HAUS6: variants seen among roughly 807,000 people sequenced by gnomAD.
The protein encoded by HAUS6 is HAUS augmin like complex subunit 6.
HAUS6 carries 80 observed loss-of-function variants against 106.8 expected under a neutral mutation model. The observed-to-expected ratio is 0.75, with a 90% CI of 0.63 to 0.90. The LOEUF is 0.90. Among genes scored for constraint, HAUS6 ranks in the 40% least tolerant of loss-of-function variants. The pLI is 0.00. For missense variants in HAUS6, 1,155 were observed against 1,118.1 expected (o/e 1.03, Z -0.47); for synonymous variants, 356 against 379.1 (o/e 0.94, Z 0.71).
chr9:19,072,696 G>C (rs1198939176), intron 11 of HAUS6, among the ~76,000 whole-genome samples: 1 of 152,024 alleles, frequency 6.6e-6, no homozygotes, highest in Non-Finnish European at 1.5e-5. Context: ...TTCAAAGAAA[G>C]AACGAGAATT....
chr9:19,071,799 G>C (rs1219097419), intron 11 of HAUS6, among the ~76,000 whole-genome samples: 1 of 151,842 alleles, frequency 6.6e-6, no homozygotes, highest in African/African-American at 2.4e-5. Flanking sequence ...TGGTCTCCTA[G>C]GCTCAAGCAA....
At chr9:19,100,165 G>A (rs771565620) in intron 1 of HAUS6, among the ~76,000 whole-genome samples, 6 of 152,168 alleles carry the variant, frequency 3.9e-5, no homozygotes, top group East Asian at 1.9e-4. Context: ...CTGCACTCCC[G>A]CCTGGGCGAC....
intron 1 of HAUS6, 60 bp downstream of exon 1, chr9:19,102,464 G>C: frequency 1.9e-6 from 3 of 1,561,888 alleles, no homozygotes; most frequent in Non-Finnish European, 2.6e-6. Flanking sequence ...TACAAAAGGG[G>C]GAGTCCCCCG....
At chr9:19,086,863 A>C in intron 6 of HAUS6, 81 bp from the exon 7 acceptor site, 1 of 687,192 alleles carries the variant, frequency 1.5e-6, no homozygotes, top group Non-Finnish European at 2.6e-6. Context: ...TTAGTCTGCA[A>C]ATCAACCCAC....
chr9:19,053,650 ATGTC>A lies in HAUS6; in HGVS notation c.*2689_*2692del, dbSNP rs780866860. The A allele has an allele frequency of 6.6e-6, 1 of 152,316 alleles. No homozygotes were observed. The highest frequency in any genetic ancestry group is 1.5e-5 in the Non-Finnish European group (1 of 68,006). The allele number at this position is 152,316 out of a possible 1,614,324, so 9.4% of individuals were successfully genotyped here. ...ATTATCTCAGGTTTCAAGCTGATGT[ATGTC>A]AGTTTATATACCTTTGTATCTTACA... On this transcript the variant is annotated 3_prime_UTR_variant, in exon 17 of 17. Coordinates refer to ENST00000380502, the MANE Select transcript of HAUS6 (RefSeq NM_017645.5).
Position 19,102,725 on chromosome 9 carries a change from T to C in HAUS6, c.-74A>G. The C allele has an allele frequency of 6.8e-7, 1 of 1,460,766 alleles. No homozygotes were observed. Among genetic ancestry groups the C allele is most frequent in the Non-Finnish European group, 9.3e-7 (1 of 1,077,440 alleles). 90.5% of individuals were successfully genotyped at this position (1,460,766 alleles called of 1,614,324 possible). The stretch of plus-strand genomic sequence containing the variant: ...GGACTCGGAGGGCCCTCAAGATCCC[T>C]CCCTACGGTCAGCCTGAGGTCGCGG... On this transcript the variant is annotated 5_prime_UTR_variant, in exon 1 of 17. Coordinates refer to ENST00000380502, the MANE Select transcript of HAUS6 (RefSeq NM_017645.5).
intron 1 of HAUS6, among the ~76,000 whole-genome samples, chr9:19,098,436 C>CAAA (rs11351792): frequency 3.2e-5 from 4 of 123,394 alleles, no homozygotes; most frequent in Admixed American, 2.6e-4. Flanking sequence ...GACTTCGTCT[C>CAAA]AAAAAAAAAA....
intron 4 of HAUS6, among the ~76,000 whole-genome samples, chr9:19,091,809 C>A (rs974401677): frequency 6.6e-6 from 1 of 151,958 alleles, no homozygotes; most frequent in Non-Finnish European, 1.5e-5. Context: ...TTACAGGTGC[C>A]CACCACCATG....
intron 12 of HAUS6, among the ~76,000 whole-genome samples, chr9:19,069,692 T>C (rs1456471310): frequency 1.3e-5 from 2 of 151,312 alleles, no homozygotes; most frequent in South Asian, 2.1e-4. Context: ...AGAGCAAGAC[T>C]CCATTTCAAA....
At position 19,058,243 on chromosome 9, in the gene HAUS6, T is replaced by C; in HGVS notation, c.2524A>G (p.Lys842Glu). 1 of 1,613,932 alleles carries C rather than the reference T, an allele frequency of 6.2e-7. No individual in the cohort carries two copies. The highest frequency in any genetic ancestry group is 8.5e-7 in the Non-Finnish European group (1 of 1,179,846). ...TCTTCCCTTTTCTTGGAAAGAGATT[T>C]CTTCAGAGCCTCGTATCTACTGCGA... Reference protein sequence around the residue: ...ALRSRYEALKKSLSKKREESY... With the variant: ...ALRSRYEALKESLSKKREESY... The change falls in exon 16 of 17, where the codon AAA becomes GAA. Residue 842 changes from lysine (K) to glutamate (E), a missense_variant. Physicochemically the swap from Lys to Glu is moderately conservative, Grantham distance 56. This residue lies in a region of HAUS6 where 380 missense variants were observed against 394.8 expected (regional missense o/e 0.96). Transcript: ENST00000380502.
intron 8 of HAUS6, among the ~76,000 whole-genome samples, 183 bp from the exon 9 acceptor site, chr9:19,080,855 C>G (rs1837129554): frequency 6.6e-6 from 1 of 152,110 alleles, no homozygotes; most frequent in Admixed American, 6.6e-5. Flanking sequence ...GGCGGATCAC[C>G]TGAGGTCGGG....
chr9:19,078,133 A>AAT, intron 10 of HAUS6, 43 bp downstream of exon 10: 3 of 1,410,302 alleles, frequency 2.1e-6, no homozygotes, highest in Non-Finnish European at 2.9e-6. Flanking sequence ...AAAAAAAAAA[A>AAT]GGTGGGTGGC....
intron 10 of HAUS6, among the ~76,000 whole-genome samples, chr9:19,077,434 C>G (rs1401984012): frequency 2.0e-5 from 3 of 152,142 alleles, no homozygotes; most frequent in African/African-American, 7.2e-5. Flanking sequence ...ACTTGGGAGG[C>G]CGAGGCAGTA....
At chr9:19,082,547 G>A (rs1004981978) in intron 8 of HAUS6, among the ~76,000 whole-genome samples, 4 of 152,104 alleles carry the variant, frequency 2.6e-5, no homozygotes, top group African/African-American at 7.2e-5. Flanking sequence ...TCAGGAGCTC[G>A]AGACCAGCCT....
At chr9:19,082,829 T>A in intron 8 of HAUS6, 44 bp downstream of exon 8, 1 of 964,388 alleles carries the variant, frequency 1.0e-6, no homozygotes, top group Non-Finnish European at 1.5e-6. Flanking sequence ...TACAATTACA[T>A]GATAGGAGTT....
Position 19,058,425 on chromosome 9 carries a change from GGGA to G in HAUS6, c.2339_2341del (p.Leu780del), listed in dbSNP as rs764389944. 6.8e-6 allele frequency: 11 copies of G among 1,607,262 alleles called. No homozygotes were observed. The highest frequency in any genetic ancestry group is 2.2e-5 in the South Asian group (2 of 90,882). ...AAAACTTAGATGACCAACTTCTTCCGGGAGAGTTTCGTGTAATATGCCAAAATC... is the reference window on the plus strand; with the variant it reads ...AAAACTTAGATGACCAACTTCTTCCGGAGTTTCGTGTAATATGCCAAAATC... On this transcript the variant is annotated inframe_deletion, in exon 16 of 17. Transcript: ENST00000380502.
chr9:19,093,907 C>G (rs1454777582), intron 3 of HAUS6, among the ~76,000 whole-genome samples: 1 of 152,070 alleles, frequency 6.6e-6, no homozygotes, highest in Non-Finnish European at 1.5e-5. Context: ...AGAATTTGAT[C>G]AGAATTATTC....
chr9:19,069,915 G>C (rs926091176), intron 12 of HAUS6, among the ~76,000 whole-genome samples: 1 of 152,062 alleles, frequency 6.6e-6, no homozygotes, highest in Non-Finnish European at 1.5e-5. Context: ...CTGCAACCCA[G>C]AAAGACCACA....
intron 7 of HAUS6, among the ~76,000 whole-genome samples, chr9:19,084,303 A>G (rs1157878298): frequency 6.6e-6 from 1 of 152,216 alleles, no homozygotes; most frequent in African/African-American, 2.4e-5. Flanking sequence ...ATGAAGTTCA[A>G]AAACAGGCAA....
Sources: allele counts gnomAD v4.1 joint callset (sites outside exome capture counted in the v4.1 genomes callset), GRCh38; gene constraint gnomAD v4.1.1; regional missense constraint gnomAD v4.1.1; transcripts MANE v1.5; gene names NCBI Gene and HGNC (gene_info 2026-07-23, HGNC 2026-07-21).